Variants in UBE2D2 observed in about 807,000 individuals in gnomAD.
UBE2D2 encodes the protein ubiquitin-conjugating enzyme E2 D2.
Under a neutral mutation model 24.2 loss-of-function variants are expected in UBE2D2, and 2 were observed. That is an observed-to-expected ratio of 0.08 (90% confidence interval 0.03 to 0.26). The LOEUF (loss-of-function observed/expected upper bound fraction) is 0.26. UBE2D2 is among the 10% of genes least tolerant of loss of function. The pLI, the probability that UBE2D2 is intolerant of heterozygous loss-of-function variation, is 1.00. For missense variants in UBE2D2, 44 were observed against 177.6 expected (o/e 0.25, Z 4.28); for synonymous variants, 58 against 56.5 (o/e 1.03, Z -0.12).
At chr5:139,549,644 G>A (rs985882966) in intron 1 of UBE2D2, among the ~76,000 whole-genome samples, 6 of 152,334 alleles carry the variant, frequency 3.9e-5, no homozygotes, top group Middle Eastern at 3.4e-3. Context: ...CCGTGAGCTC[G>A]CGGGGCTGGA....
At chr5:139,565,519 G>T (rs1290468772) in intron 1 of UBE2D2, among the ~76,000 whole-genome samples, 2 of 152,136 alleles carry the variant, frequency 1.3e-5, no homozygotes, top group Non-Finnish European at 1.5e-5. Context: ...TTGAGTGCCT[G>T]CCTCTAGCAG....
At chr5:139,585,231 CAG>C (rs112347796) in intron 1 of UBE2D2, among the ~76,000 whole-genome samples, 9,011 of 141,902 alleles carry the variant, frequency 0.064, 324 homozygotes, top group South Asian at 0.11. Context: ...TTTTTTGAGA[CAG>C]AGTTTTACCC....
intron 2 of UBE2D2, among the ~76,000 whole-genome samples, chr5:139,611,662 G>GA (rs1754323221): frequency 2.0e-5 from 3 of 152,060 alleles, no homozygotes; most frequent in Admixed American, 2.0e-4. Context: ...TATAACTAGT[G>GA]ACAAAAATAA....
intron 1 of UBE2D2, among the ~76,000 whole-genome samples, chr5:139,578,682 T>C (rs559284210): frequency 1.8e-4 from 28 of 152,118 alleles, no homozygotes; most frequent in South Asian, 1.0e-3. Context: ...CAAACTCCTG[T>C]ATTCAAGTGA....
At chr5:139,587,965 G>A (rs533135185) in intron 1 of UBE2D2, among the ~76,000 whole-genome samples, 21 of 152,236 alleles carry the variant, frequency 1.4e-4, no homozygotes, top group African/African-American at 3.8e-4. Context: ...AAAGGTGGAC[G>A]CGGTCACCTT....
intron 1 of UBE2D2, among the ~76,000 whole-genome samples, chr5:139,536,475 T>C (rs1752683439): frequency 6.6e-6 from 1 of 152,162 alleles, no homozygotes; most frequent in South Asian, 2.1e-4. Flanking sequence ...GCAATTCTCC[T>C]GCCTCAGCCT....
intron 1 of UBE2D2, among the ~76,000 whole-genome samples, chr5:139,549,855 A>T (rs1752885901): frequency 1.3e-5 from 2 of 152,378 alleles, no homozygotes; most frequent in Middle Eastern, 3.4e-3. Flanking sequence ...GGAGGAGTGT[A>T]CATGCGCCAA....
intron 1 of UBE2D2, among the ~76,000 whole-genome samples, chr5:139,589,205 G>A (rs1444834165): frequency 6.6e-6 from 1 of 152,044 alleles, no homozygotes; most frequent in African/African-American, 2.4e-5. Flanking sequence ...GATACAGTGA[G>A]CTATGATCAG....
chr5:139,572,198 T>C (rs950793337), intron 1 of UBE2D2, among the ~76,000 whole-genome samples: 1 of 152,254 alleles, frequency 6.6e-6, no homozygotes, highest in African/African-American at 2.4e-5. Flanking sequence ...ACTGCTTTCT[T>C]CTTCCTCATA....
intron 1 of UBE2D2, among the ~76,000 whole-genome samples, chr5:139,597,953 G>A (rs1480441590): frequency 6.6e-6 from 1 of 152,152 alleles, no homozygotes; most frequent in African/African-American, 2.4e-5. Context: ...CCAGGCTGGA[G>A]TGCAGTGGCG....
At chr5:139,582,871 C>T (rs1420220940) in intron 1 of UBE2D2, among the ~76,000 whole-genome samples, 2 of 151,590 alleles carry the variant, frequency 1.3e-5, no homozygotes. Flanking sequence ...GGGGTTTCAC[C>T]GTGTTAGCCA....
rs556331225 is a variant in UBE2D2, at chr5:139,617,996, G to A, written c.304+3030G>A. 2.6e-5 allele frequency among the ~76,000 whole-genome samples: 4 copies of A among 151,468 alleles called. No individual in the cohort carries two copies. The East Asian group carries it at 7.8e-4, about 29-fold the overall frequency. Reference sequence around the variant, plus strand: ...ATTATTATTTGTTTTTTTTTGAGAAGGAGTTTCACTTTTGTTGCCCAGGCT... The same window carrying A: ...ATTATTATTTGTTTTTTTTTGAGAAAGAGTTTCACTTTTGTTGCCCAGGCT... On this transcript the variant is annotated intron_variant, in intron 5 of 6. Coordinates refer to ENST00000398733, the MANE Select transcript of UBE2D2 (RefSeq NM_003339.3).
chr5:139,543,466 T>C (rs937531204), intron 1 of UBE2D2, among the ~76,000 whole-genome samples: 7 of 152,320 alleles, frequency 4.6e-5, no homozygotes, highest in Admixed American at 2.0e-4. Context: ...AGATCCTGGA[T>C]TGCACGTCAG....
chr5:139,620,184 A>G (rs565246454), intron 5 of UBE2D2, among the ~76,000 whole-genome samples: 1 of 152,336 alleles, frequency 6.6e-6, no homozygotes, highest in South Asian at 2.1e-4. Flanking sequence ...ACAGTTGAAC[A>G]TGAGATTTGT....
intron 1 of UBE2D2, among the ~76,000 whole-genome samples, chr5:139,580,814 C>T (rs555394722): frequency 1.2e-4 from 19 of 152,228 alleles, no homozygotes; most frequent in East Asian, 3.9e-4. Flanking sequence ...TCAGCTCACT[C>T]GGGATGCTAA....
chr5:139,551,903 G>C (rs780103537), intron 1 of UBE2D2, among the ~76,000 whole-genome samples: 8 of 152,176 alleles, frequency 5.3e-5, no homozygotes, highest in Non-Finnish European at 1.2e-4. Flanking sequence ...TTTTTACTTA[G>C]CAATTTCAAT....
upstream of UBE2D2, among the ~76,000 whole-genome samples, chr5:139,558,711 C>G (rs1050472723): frequency 2.0e-5 from 3 of 152,068 alleles, no homozygotes; most frequent in Admixed American, 1.3e-4. Flanking sequence ...GGACATTAAC[C>G]AAATGTCAAA....
chr5:139,542,402 T>C (rs1289804053), intron 1 of UBE2D2, among the ~76,000 whole-genome samples: 2 of 152,172 alleles, frequency 1.3e-5, no homozygotes, highest in Admixed American at 1.3e-4. Flanking sequence ...AGAGTCTCAC[T>C]CTTTCACCTT....
At chr5:139,614,053 C>A (rs1291714297) in intron 2 of UBE2D2, among the ~76,000 whole-genome samples, 1 of 128,440 alleles carries the variant, frequency 7.8e-6, no homozygotes. Context: ...TAGAGTGAGA[C>A]TCTGTCTCAA....
Sources: gnomAD v4.1 joint callset for allele counts (sites outside exome capture counted in the v4.1 genomes callset) on GRCh38, gnomAD v4.1.1 for gene constraint, MANE v1.5 for transcripts, NCBI Gene and HGNC (gene_info 2026-07-23, HGNC 2026-07-21) for gene names.